CDH18: variants seen among roughly 807,000 people sequenced by gnomAD.
CDH18 encodes the protein cadherin-18.
Under a neutral mutation model 67.9 loss-of-function variants are expected in CDH18, and 31 were observed. The observed-to-expected ratio is 0.46, with a 90% CI of 0.34 to 0.62. The LOEUF is 0.62. Among genes scored for constraint, CDH18 ranks in the 20% least tolerant of loss-of-function variants. The pLI, the probability that CDH18 is intolerant of heterozygous loss-of-function variation, is 0.01. For synonymous variants in CDH18, 362 were observed against 347.2 expected (o/e 1.04, Z -0.48); for missense variants, 890 against 975.5 (o/e 0.91, Z 1.17).
intron 2 of CDH18, among the ~76,000 whole-genome samples, chr5:20,095,373 A>G (rs1745832787): frequency 6.8e-6 from 1 of 147,630 alleles, no homozygotes; most frequent in Admixed American, 6.9e-5. Context: ...AGACAGAAGA[A>G]AGAAAGAAAA....
At chr5:19,993,725 AATATATAGATATCG>A (rs1800112079) in intron 2 of CDH18, among the ~76,000 whole-genome samples, 1 of 152,030 alleles carries the variant, frequency 6.6e-6, no homozygotes, top group Admixed American at 6.6e-5. Context: ...TAGATAGACA[AATATATAGATATCG>A]ATATATAGAT....
intron 1 of CDH18, among the ~76,000 whole-genome samples, chr5:20,373,502 C>A (rs926887568): frequency 8.5e-5 from 13 of 152,116 alleles, no homozygotes; most frequent in African/African-American, 2.7e-4. Context: ...ATTTAACAAG[C>A]ATTCTCTGTG....
At position 20,234,925 on chromosome 5, in the gene CDH18, T is replaced by C. The variant is rs146096212; in HGVS notation, c.-518+20519A>G. Among the ~76,000 whole-genome samples, 76 of 152,136 alleles carry C rather than the reference T, an allele frequency of 5.0e-4. 1 individual carries two copies. In the East Asian group the frequency reaches 6.4e-3, roughly 13 times the overall value. On this transcript the variant is annotated intron_variant, in intron 2 of 14. Coordinates refer to the CDH18 transcript ENST00000507958. ...ACAAGAAACATGAAGAAAACTGCAA[T>C]TGGGGAAAGTATTCAGTCTACATTA...
At chr5:20,189,066 T>G (rs1031824897) in intron 2 of CDH18, among the ~76,000 whole-genome samples, 1 of 152,034 alleles carries the variant, frequency 6.6e-6, no homozygotes, top group African/African-American at 2.4e-5. Flanking sequence ...CAGGCAAGTA[T>G]TATTCAGCCT....
At position 19,479,335 on chromosome 5, in the gene CDH18, C is replaced by T. The variant is rs529422559; in HGVS notation, c.1882+3966G>A. On this transcript the variant is annotated intron_variant, in intron 12 of 12. Coordinates refer to ENST00000382275, the MANE Select transcript of CDH18 (RefSeq NM_004934.5). ...AGGGTTGAACGTTATTTCAGAATTA[C>T]GAGTTCAAAAATAAAGTTTTGCTAC... Among the ~76,000 whole-genome samples, 20 of 152,164 alleles carry T rather than the reference C, an allele frequency of 1.3e-4. No homozygotes were observed. In the South Asian group the frequency reaches 3.7e-3, roughly 28 times the overall value.
chr5:19,713,658 G>A (rs933264411), intron 5 of CDH18, among the ~76,000 whole-genome samples: 3 of 152,018 alleles, frequency 2.0e-5, no homozygotes, highest in African/African-American at 7.2e-5. Flanking sequence ...AAGTACTTTG[G>A]TACTTTGTTT....
chr5:20,302,693 G>A (rs563282308), intron 1 of CDH18, among the ~76,000 whole-genome samples: 2 of 152,262 alleles, frequency 1.3e-5, no homozygotes, highest in East Asian at 1.9e-4. Flanking sequence ...TGTACCGTCC[G>A]CAATTATTCA....
At position 20,548,051 on chromosome 5, in the gene CDH18, TAA is replaced by T. The variant is rs33928330; in HGVS notation, c.-580+27409_-580+27410del. 2.0e-5 allele frequency among the ~76,000 whole-genome samples: 3 copies of T among 150,314 alleles called. No individual in the cohort carries two copies. The East Asian group carries it at 5.9e-4, about 29-fold the overall frequency. On this transcript the variant is annotated intron_variant, in intron 1 of 14. Transcript: ENST00000507958. ...ACTGATTTAATGCATGCTTTAAGAC[TAA>T]AAAAAAACAAAATATGTTCATACTA...
intron 2 of CDH18, among the ~76,000 whole-genome samples, chr5:20,211,938 G>T (rs1318356856): frequency 1.3e-5 from 2 of 152,136 alleles, no homozygotes; most frequent in Non-Finnish European, 2.9e-5. Context: ...ACTTTGACGA[G>T]TTGACAAAAG....
At chr5:20,526,097 G>A (rs1264308688) in intron 1 of CDH18, among the ~76,000 whole-genome samples, 1 of 152,128 alleles carries the variant, frequency 6.6e-6, no homozygotes, top group Non-Finnish European at 1.5e-5. Context: ...GAGGCTGGGA[G>A]GTTTGGACTG....
At position 20,332,078 on chromosome 5, in the gene CDH18, G is replaced by A. The variant is rs140396641; in HGVS notation, c.-579-76573C>T. ...GTTTTTGTTTAGCCAAGCCCTTTATGTGGCATACTTATCTGAGCTTACTTC... is the reference window on the plus strand; with the variant it reads ...GTTTTTGTTTAGCCAAGCCCTTTATATGGCATACTTATCTGAGCTTACTTC... On this transcript the variant is annotated intron_variant, in intron 1 of 14. Coordinates refer to the CDH18 transcript ENST00000507958. Among the ~76,000 whole-genome samples the A allele has an allele frequency of 2.2e-3, 339 of 152,226 alleles. 1 individual carries two copies. The highest frequency in any genetic ancestry group is 7.5e-3 in the African/African-American group (310 of 41,542).
intron 5 of CDH18, among the ~76,000 whole-genome samples, chr5:19,681,060 C>T (rs1030801456): frequency 3.3e-5 from 5 of 151,930 alleles, no homozygotes; most frequent in Admixed American, 1.3e-4. Context: ...GGTACATATA[C>T]GCCATGGAAC....
chr5:20,533,875 C>T (rs1364004809), intron 1 of CDH18, among the ~76,000 whole-genome samples: 1 of 151,850 alleles, frequency 6.6e-6, no homozygotes. Flanking sequence ...ATAAACAATG[C>T]TTAATTAAAA....
At chr5:20,399,368 A>G (rs889005903) in intron 1 of CDH18, among the ~76,000 whole-genome samples, 1 of 152,228 alleles carries the variant, frequency 6.6e-6, no homozygotes, top group African/African-American at 2.4e-5. Flanking sequence ...AAACAACAAT[A>G]TAAGAGGAAT....
chr5:19,909,805 G>A (rs1318526244), intron 2 of CDH18, among the ~76,000 whole-genome samples: 2 of 152,116 alleles, frequency 1.3e-5, no homozygotes, highest in Non-Finnish European at 2.9e-5. Context: ...AAGGTTAAAT[G>A]TATTTGGTAA....
At chr5:20,365,822 A>C (rs1400100811) in intron 1 of CDH18, among the ~76,000 whole-genome samples, 1 of 152,092 alleles carries the variant, frequency 6.6e-6, no homozygotes, top group East Asian at 1.9e-4. Context: ...TGTCTTATTA[A>C]AACTATACTT....
chr5:19,880,666 T>C (rs1579402307), intron 2 of CDH18, among the ~76,000 whole-genome samples: 1 of 152,122 alleles, frequency 6.6e-6, no homozygotes, highest in Non-Finnish European at 1.5e-5. Context: ...CTACAGTAAA[T>C]TATTCAAGTA....
chr5:19,678,261 CTG>C (rs1759780791), intron 5 of CDH18, among the ~76,000 whole-genome samples: 1 of 142,968 alleles, frequency 7.0e-6, no homozygotes, highest in South Asian at 2.2e-4. Context: ...AAAAAAAACA[CTG>C]AAATCACAGC....
At chr5:20,007,959 G>T (rs1737058907) in intron 2 of CDH18, among the ~76,000 whole-genome samples, 1 of 152,068 alleles carries the variant, frequency 6.6e-6, no homozygotes, top group Admixed American at 6.6e-5. Context: ...AGACCATATG[G>T]CCTGCAAAGC....
Sources: allele counts gnomAD v4.1 joint callset (sites outside exome capture counted in the v4.1 genomes callset), GRCh38; gene constraint gnomAD v4.1.1; transcripts MANE v1.5; gene names NCBI Gene and HGNC (gene_info 2026-07-23, HGNC 2026-07-21).